Variants in THBS3 observed in about 807,000 individuals in gnomAD.
THBS3 encodes the protein thrombospondin-3.
THBS3 carries 78 observed loss-of-function variants against 118.3 expected under a neutral mutation model. That is an observed-to-expected ratio of 0.66 (90% confidence interval 0.55 to 0.80). The LOEUF is 0.80. Among genes scored for constraint, THBS3 ranks in the 30% least tolerant of loss-of-function variants. THBS3 has a pLI of 0.00. For synonymous variants in THBS3, 427 were observed against 475.3 expected (o/e 0.90, Z 1.32); for missense variants, 1,057 against 1,247.4 (o/e 0.85, Z 2.30).
intron 16 of THBS3, among the ~76,000 whole-genome samples, chr1:155,199,237 C>T (rs190685056): frequency 6.6e-6 from 1 of 151,250 alleles, no homozygotes; most frequent in African/African-American, 2.4e-5. Context: ...AGTGAAACCC[C>T]GTCTCTACTA....
Position 155,197,226 on chromosome 1 carries a change from G to T in THBS3, c.2500-13C>A. 2 of 1,609,528 alleles carry T rather than the reference G, an allele frequency of 1.2e-6. No individual in the cohort carries two copies. The highest frequency in any genetic ancestry group is 1.7e-6 in the Non-Finnish European group (2 of 1,176,142). On this transcript the variant is annotated splice_polypyrimidine_tract_variant and intron_variant, in intron 20 of 22. Coordinates refer to ENST00000368378, the MANE Select transcript of THBS3 (RefSeq NM_007112.5). This position sits in a 1 kb window ranked among gnomAD's most constrained non-coding sequence, Gnocchi z 5.0. ...CTGATGTCACTGCCTAGGAGACATT[G>T]GCAAAGACAGTGGGTCAACTGCAGA...
chr1:155,200,974 GC>G lies in THBS3; in HGVS notation c.1470del (p.Gln491ArgfsTer114). ...ACACCATCATTATCAGCATCTTCCTGCCCAGAGTTGGGTGTCAAAAGGCAGT... is the reference window on the plus strand; with the variant it reads ...ACACCATCATTATCAGCATCTTCCTGCCAGAGTTGGGTGTCAAAAGGCAGT... The part of the protein sequence containing the change: ...QDNCLLTPNS[G>X]QEDADNDGVG... On this transcript the variant is annotated frameshift_variant, in exon 13 of 23. Coordinates refer to ENST00000368378, the MANE Select transcript of THBS3 (RefSeq NM_007112.5). LOFTEE classifies it high-confidence loss of function. 1 of 1,614,174 alleles carries G rather than the reference GC, an allele frequency of 6.2e-7. No individual in the cohort carries two copies.
rs1191234541 is a variant in THBS3 at position 155,202,566 on chromosome 1, C to A, written c.958-165G>T. 3 of 1,154,626 alleles carry A rather than the reference C, an allele frequency of 2.6e-6. No homozygotes were observed. The highest frequency in any genetic ancestry group is 2.7e-5 in the Admixed American group (1 of 36,648). 71.5% of individuals were successfully genotyped at this position (1,154,626 alleles called of 1,614,324 possible). On this transcript the variant is annotated intron_variant, in intron 8 of 22. Coordinates refer to ENST00000368378, the MANE Select transcript of THBS3 (RefSeq NM_007112.5). The surrounding 1 kb of genome is among the most constrained non-coding windows in gnomAD (Gnocchi z 5.5). ...CCCCACTTCCCTCGGGGTTCCCTCT[C>A]TCCCTCCCCATGCCACTGGTCACCA...
Position 155,200,903 on chromosome 1 carries a change from A to G in THBS3, c.1542T>C (p.Asn514=). Residue 514 remains asparagine (N), a synonymous_variant, in exon 13 of 23, where the codon AAT becomes AAC. Transcript: ENST00000368378. ...DDDADGDGIK[N]VEDNCRLFPN... is the part of the protein sequence containing the mutation. Reference sequence around the variant, plus strand: ...AGGGCAGTCTGGGAGTCACCTCAACATTCTTGATCCCATCCCCATCAGCAT... The same window carrying G: ...AGGGCAGTCTGGGAGTCACCTCAACGTTCTTGATCCCATCCCCATCAGCAT... 1.2e-6 allele frequency: 2 copies of G among 1,613,932 alleles called. No homozygotes were observed. Among genetic ancestry groups the G allele is most frequent in the Non-Finnish European group, 1.7e-6 (2 of 1,179,976 alleles).
intron 16 of THBS3, among the ~76,000 whole-genome samples, chr1:155,199,334 C>T (rs1557860416): frequency 6.7e-6 from 1 of 149,770 alleles, no homozygotes; most frequent in South Asian, 2.1e-4. Flanking sequence ...GGCGTGAACT[C>T]GGGAGGTGGA....
Position 155,200,956 on chromosome 1 carries a change from C to T in THBS3, c.1489G>A (p.Asp497Asn). The change falls in exon 13 of 23, where the codon GAT becomes AAT. Residue 497 changes from aspartate (D) to asparagine (N), a missense_variant. Around this residue, in one of 3 missense-constraint regions of THBS3, gnomAD observed 544 missense variants for 715.6 expected, o/e 0.76. Transcript: ENST00000368378. ...PNSGQEDADN[D>N]GVGDQCDDDA... Reference sequence around the variant, plus strand: ...TCATCACACTGGTCCCCCACACCATCATTATCAGCATCTTCCTGCCCAGAG... The same window carrying T: ...TCATCACACTGGTCCCCCACACCATTATTATCAGCATCTTCCTGCCCAGAG... The T allele has an allele frequency of 6.2e-7, 1 of 1,614,190 alleles. No homozygotes were observed. The highest frequency in any genetic ancestry group is 8.5e-7 in the Non-Finnish European group (1 of 1,180,038).
At position 155,197,567 on chromosome 1, in the gene THBS3, GA is replaced by G; in HGVS notation, c.2394del (p.Gln799LysfsTer8). ...ACTACGTAGAAGCGGCCACTGTCTT[GA>G]TAACTGAAGAGAAAGCCTGCGTAGT... ...DDDYAGFLFS[Y>X]QDSGRFYVVM... On this transcript the variant is annotated frameshift_variant, in exon 20 of 23. Coordinates refer to ENST00000368378, the MANE Select transcript of THBS3 (RefSeq NM_007112.5). LOFTEE classifies it high-confidence loss of function. This position sits in a 1 kb window ranked among gnomAD's most constrained non-coding sequence, Gnocchi z 5.0. The G allele has an allele frequency of 6.4e-7, 1 of 1,565,468 alleles. No individual in the cohort carries two copies. The highest frequency in any genetic ancestry group is 8.7e-7 in the Non-Finnish European group (1 of 1,148,898).
At position 155,202,410 on chromosome 1, in the gene THBS3, C is replaced by T; in HGVS notation, c.958-9G>A. The T allele has an allele frequency of 2.5e-6, 4 of 1,613,314 alleles. No individual in the cohort carries two copies. The highest frequency in any genetic ancestry group is 3.4e-6 in the Non-Finnish European group (4 of 1,179,756). ...GGGTCAGCGTGAGCACACTGGGGAC[C>T]AGATGAGAAGGCAGAGGTCAGGCCG... is the stretch of plus-strand genomic sequence containing the variant. On this transcript the variant is annotated splice_polypyrimidine_tract_variant and intron_variant, in intron 8 of 22. Coordinates refer to ENST00000368378, the MANE Select transcript of THBS3 (RefSeq NM_007112.5). This position sits in a 1 kb window ranked among gnomAD's most constrained non-coding sequence, Gnocchi z 5.5.
At chr1:155,196,217 C>G (rs995323765) in intron 21 of THBS3, 91 bp from the exon 22 acceptor site, 4 of 1,474,364 alleles carry the variant, frequency 2.7e-6, no homozygotes, top group African/African-American at 2.8e-5. Flanking sequence ...TTTTCCCCAG[C>G]CCCCCTTGAG....
rs780102456 is a variant in THBS3 at position 155,201,014 on chromosome 1, AG to A, written c.1441-11del. The A allele has an allele frequency of 1.8e-5, 29 of 1,614,106 alleles. No individual in the cohort carries two copies. Among genetic ancestry groups the A allele is most frequent in the Middle Eastern group, 1.6e-4 (1 of 6,084 alleles). Reference sequence around the variant, plus strand: ...TCAAAAGGCAGTTGTCCTAAAGTTCAGGGGAAGAGGATGGATGAGTTCTGGC... The same window carrying A: ...TCAAAAGGCAGTTGTCCTAAAGTTCAGGGAAGAGGATGGATGAGTTCTGGC... On this transcript the variant is annotated splice_polypyrimidine_tract_variant and intron_variant, in intron 12 of 22. Transcript: ENST00000368378.
In THBS3 at chr1:155,203,310, C is replaced by T. The variant is rs199773604; in HGVS notation, c.674-5G>A. 1.5e-5 allele frequency: 25 copies of T among 1,613,816 alleles called. No individual in the cohort carries two copies. Among genetic ancestry groups the T allele is most frequent in the African/African-American group, 5.3e-5 (4 of 75,038 alleles). On this transcript the variant is annotated splice_region_variant and splice_polypyrimidine_tract_variant and intron_variant, in intron 5 of 22. Transcript: ENST00000368378. ...CCAGCGCCTTGGTCTGCTCCCCTGT[C>T]GGGACCCAGGGTGTGAGGGGTTCAG...
chr1:155,205,039 C>CAG, intron 3 of THBS3, 21 bp downstream of exon 3: 1 of 1,612,964 alleles, frequency 6.2e-7, no homozygotes, highest in South Asian at 1.1e-5. Flanking sequence ...CCACAGAACT[C>CAG]AGAGGCTCCT....
At chr1:155,203,414 T>C in intron 5 of THBS3, 99 bp downstream of exon 5, 2 of 1,588,880 alleles carry the variant, frequency 1.3e-6, no homozygotes, top group Admixed American at 1.8e-5. Flanking sequence ...CCTTTAAACC[T>C]ACTACATTCC....
chr1:155,208,757 C>A, upstream of THBS3: 1 of 1,392,744 alleles, frequency 7.2e-7, no homozygotes, highest in Non-Finnish European at 9.4e-7. Flanking sequence ...GTTTCCATGG[C>A]GACAGGCGGC....
In THBS3 at chr1:155,201,324, C is replaced by G. The variant is rs1034201321; in HGVS notation, c.1329+93G>C. On this transcript the variant is annotated intron_variant, in intron 11 of 22. Coordinates refer to ENST00000368378, the MANE Select transcript of THBS3 (RefSeq NM_007112.5). ...AGTTCCTGGGCCCAGGCCCACCTCT[C>G]TCCTATGAAGACCCCCAACCCAGGC... is the stretch of plus-strand genomic sequence containing the variant. 5.1e-6 allele frequency: 8 copies of G among 1,573,426 alleles called. No individual in the cohort carries two copies. The South Asian group carries it at 8.4e-5, about 17-fold the overall frequency.
At chr1:155,199,733 T>A in intron 16 of THBS3, 71 bp downstream of exon 16, 1 of 1,554,554 alleles carries the variant, frequency 6.4e-7, no homozygotes, top group Non-Finnish European at 8.8e-7. Context: ...CCAGCCTAGG[T>A]GACAGAGCAA....
rs1256214333 is a variant in THBS3 at position 155,197,234 on chromosome 1, C to T, written c.2500-21G>A. ...ACTGCCTAGGAGACATTGGCAAAGA[C>T]AGTGGGTCAACTGCAGAACTGGAGT... On this transcript the variant is annotated intron_variant, in intron 20 of 22. Transcript: ENST00000368378. The surrounding 1 kb of genome is among the most constrained non-coding windows in gnomAD (Gnocchi z 5.0). The T allele has an allele frequency of 6.2e-7, 1 of 1,608,000 alleles. No individual in the cohort carries two copies. The highest frequency in any genetic ancestry group is 1.3e-5 in the African/African-American group (1 of 74,816).
Position 155,198,034 on chromosome 1 carries a change from CGA to C in THBS3, c.2253+6_2253+7del. ...ATAGCACCTGCCCAGCCCACTGCCC[CGA>C]GTTACCTGGTTGAGCACAACCCAGT... On this transcript the variant is annotated splice_donor_region_variant and intron_variant, in intron 18 of 22. Coordinates refer to ENST00000368378, the MANE Select transcript of THBS3 (RefSeq NM_007112.5). 1.2e-6 allele frequency: 2 copies of C among 1,614,186 alleles called. No homozygotes were observed. The highest frequency in any genetic ancestry group is 1.7e-6 in the Non-Finnish European group (2 of 1,180,038).
chr1:155,207,730 T>A, intron 1 of THBS3, 68 bp downstream of exon 1: 1 of 1,540,510 alleles, frequency 6.5e-7, no homozygotes. Flanking sequence ...ACATGTTCTC[T>A]GCTACTTGGG....
Sources: gnomAD v4.1 joint callset for allele counts (sites outside exome capture counted in the v4.1 genomes callset) on GRCh38, gnomAD v4.1.1 for gene constraint, gnomAD v4.1.1 regional missense constraint, Gnocchi (gnomAD v3.1) non-coding constraint, MANE v1.5 for transcripts, NCBI Gene and HGNC (gene_info 2026-07-23, HGNC 2026-07-21) for gene names.